Variants in JAKMIP1 observed in about 807,000 individuals in gnomAD.
JAKMIP1 encodes janus kinase and microtubule interacting protein 1.
A neutral mutation model predicts 113.0 loss-of-function variants in JAKMIP1; 33 were observed. The ratio of observed to expected loss-of-function variants is 0.29; its 90% confidence interval spans 0.22 to 0.39. The LOEUF (loss-of-function observed/expected upper bound fraction) is 0.39. JAKMIP1 is among the 10% of genes least tolerant of loss of function. The pLI is 1.00. For missense variants in JAKMIP1, 813 were observed against 1,080.5 expected, an observed-to-expected ratio of 0.75 and a Z score of 3.47; for synonymous variants, 480 against 459.9, an observed-to-expected ratio of 1.04 and a Z score of -0.56.
chr4:6,089,178 C>T lies in JAKMIP1; in HGVS notation c.625-3549G>A, dbSNP rs950561354. 2.0e-5 allele frequency among the ~76,000 whole-genome samples: 3 copies of T among 152,238 alleles called. No individual in the cohort carries two copies. Among genetic ancestry groups the T allele is most frequent in the African/African-American group, 7.2e-5 (3 of 41,468 alleles). Reference sequence around the variant, plus strand: ...AGCCCACAGCCTGGGAATGACACAGCAGGAGGCAGAGCAGAGCCCAAGAAC... The same window carrying T: ...AGCCCACAGCCTGGGAATGACACAGTAGGAGGCAGAGCAGAGCCCAAGAAC... On this transcript the variant is annotated intron_variant, in intron 3 of 20. Coordinates refer to ENST00000409021, the MANE Select transcript of JAKMIP1 (RefSeq NM_001099433.2). The surrounding 1 kb of genome is among the most constrained non-coding windows in gnomAD (Gnocchi z 5.3).
intron 16 of JAKMIP1, among the ~76,000 whole-genome samples, chr4:6,043,485 T>C (rs1290194880): frequency 6.6e-6 from 1 of 151,896 alleles, no homozygotes; most frequent in Non-Finnish European, 1.5e-5. Context: ...AAATGTCTCA[T>C]ACCCAGATCT....
Position 6,134,266 on chromosome 4 carries a change from C to T in JAKMIP1, c.-147-21269G>A, listed in dbSNP as rs540510754. 2.2e-4 allele frequency among the ~76,000 whole-genome samples: 33 copies of T among 152,344 alleles called. No homozygotes were observed. In the Middle Eastern group the frequency reaches 0.01, roughly 47 times the overall value. On this transcript the variant is annotated intron_variant, in intron 1 of 20. Coordinates refer to ENST00000409021, the MANE Select transcript of JAKMIP1 (RefSeq NM_001099433.2). ...CATGATTGTAAGTTTCCTGAGGCCT[C>T]CCCAGCCATGTGGAACTGTGAGTCA...
chr4:6,169,961 TCACCACCAC>T (rs1244148166), intron 1 of JAKMIP1, among the ~76,000 whole-genome samples: 1 of 145,936 alleles, frequency 6.9e-6, no homozygotes, highest in African/African-American at 2.6e-5. Context: ...ATCACTCTCA[TCACCACCAC>T]CACCACCACT....
At chr4:6,045,276 T>C (rs1364107961) in intron 16 of JAKMIP1, among the ~76,000 whole-genome samples, 1 of 152,232 alleles carries the variant, frequency 6.6e-6, no homozygotes, top group East Asian at 1.9e-4. Flanking sequence ...CACTTTGAAC[T>C]TGAGGGAGAA....
At position 6,064,733 on chromosome 4, in the gene JAKMIP1, T is replaced by G. The variant is rs374262568; in HGVS notation, c.1431+147A>C. 1.0e-6 allele frequency: 1 copy of G among 1,003,362 alleles called. No homozygotes were observed. The highest frequency in any genetic ancestry group is 1.6e-5 in the African/African-American group (1 of 61,210). The allele number at this position is 1,003,362 out of a possible 1,614,324, so 62.2% of individuals were successfully genotyped here. ...TGGGGCCCGCCTTCCCTTCACACCA[T>G]TGGCTTTGATAATGCACTGGTAGGA... On this transcript the variant is annotated intron_variant, in intron 9 of 20. Transcript: ENST00000409021. The surrounding 1 kb of genome is among the most constrained non-coding windows in gnomAD (Gnocchi z 4.3).
chr4:6,186,380 G>A lies in JAKMIP1; in HGVS notation c.-148+13873C>T, dbSNP rs995379356. ...GTCAGTTTGCAAAGGCAAGTGAAGGGGCAAGCAGGAGTGATGGAGGATGAG... is the reference window on the plus strand; with the variant it reads ...GTCAGTTTGCAAAGGCAAGTGAAGGAGCAAGCAGGAGTGATGGAGGATGAG... On this transcript the variant is annotated intron_variant, in intron 1 of 20. Transcript: ENST00000409021. This position sits in a 1 kb window ranked among gnomAD's most constrained non-coding sequence, Gnocchi z 5.5. Among the ~76,000 whole-genome samples the A allele has an allele frequency of 1.3e-5, 2 of 152,168 alleles. No individual in the cohort carries two copies. Among genetic ancestry groups the A allele is most frequent in the African/African-American group, 4.8e-5 (2 of 41,438 alleles).
intron 3 of JAKMIP1, 70 bp downstream of exon 3, chr4:6,105,403 C>G (rs1713733011): frequency 4.2e-6 from 6 of 1,441,134 alleles, no homozygotes; most frequent in Non-Finnish European, 5.6e-6. Flanking sequence ...CCTCGGAGCT[C>G]CGCATTTCCC....
Position 6,184,629 on chromosome 4 carries a change from G to A in JAKMIP1, c.-148+15624C>T, listed in dbSNP as rs73077432. 6.6e-6 allele frequency among the ~76,000 whole-genome samples: 1 copy of A among 152,230 alleles called. No homozygotes were observed. The highest frequency in any genetic ancestry group is 2.1e-4 in the South Asian group (1 of 4,828). ...CAAGGGTCCCCCGCGCTCACCTGTA[G>A]ATTCAGCAAGAGAGCAGGGGTGATT... On this transcript the variant is annotated intron_variant, in intron 1 of 20. Transcript: ENST00000409021. The surrounding 1 kb of genome is among the most constrained non-coding windows in gnomAD (Gnocchi z 4.5).
chr4:6,190,954 G>A (rs959707113), intron 1 of JAKMIP1, among the ~76,000 whole-genome samples: 2 of 152,218 alleles, frequency 1.3e-5, no homozygotes, highest in South Asian at 4.1e-4. Context: ...ACCACATCCT[G>A]AGAGTCAACT....
intron 1 of JAKMIP1, among the ~76,000 whole-genome samples, chr4:6,133,921 C>T (rs538023678): frequency 9.2e-5 from 14 of 152,292 alleles, no homozygotes; most frequent in African/African-American, 2.4e-4. Flanking sequence ...GATGACCAGA[C>T]GGAGGGGGCT....
chr4:6,177,933 G>T lies in JAKMIP1; in HGVS notation c.-148+22320C>A, dbSNP rs145510715. Among the ~76,000 whole-genome samples the T allele has an allele frequency of 1.1e-3, 162 of 152,286 alleles. 1 individual carries two copies. Among genetic ancestry groups the T allele is most frequent in the Middle Eastern group, 6.8e-3 (2 of 294 alleles). ...TCAAAGTTAATTTTGCACAGAAGAG[G>T]TGAGATTAACCCTAACCACTCAATC... On this transcript the variant is annotated intron_variant, in intron 1 of 20. Coordinates refer to ENST00000409021, the MANE Select transcript of JAKMIP1 (RefSeq NM_001099433.2).
At position 6,184,220 on chromosome 4, in the gene JAKMIP1, C is replaced by T. The variant is rs549525100; in HGVS notation, c.-148+16033G>A. Reference sequence around the variant, plus strand: ...AGAGAGGTGAGTGTATCACACTGTCCTGTGAGTATCATCCCTTCTCAATAG... The same window carrying T: ...AGAGAGGTGAGTGTATCACACTGTCTTGTGAGTATCATCCCTTCTCAATAG... On this transcript the variant is annotated intron_variant, in intron 1 of 20. Coordinates refer to ENST00000409021, the MANE Select transcript of JAKMIP1 (RefSeq NM_001099433.2). This position sits in a 1 kb window ranked among gnomAD's most constrained non-coding sequence, Gnocchi z 4.5. Among the ~76,000 whole-genome samples the T allele has an allele frequency of 6.6e-6, 1 of 152,284 alleles. No individual in the cohort carries two copies. Among genetic ancestry groups the T allele is most frequent in the African/African-American group, 2.4e-5 (1 of 41,550 alleles).
chr4:6,148,058 C>G (rs1163453474), intron 1 of JAKMIP1, among the ~76,000 whole-genome samples: 1 of 152,184 alleles, frequency 6.6e-6, no homozygotes, highest in Non-Finnish European at 1.5e-5. Context: ...TAGGACCAAC[C>G]ACAGGTACTA....
At chr4:6,075,980 C>A (rs1445202609) in intron 8 of JAKMIP1, among the ~76,000 whole-genome samples, 2 of 152,180 alleles carry the variant, frequency 1.3e-5, no homozygotes, top group African/African-American at 4.8e-5. Flanking sequence ...AGTTTGAGAT[C>A]AGCCTGGCCA....
chr4:6,084,054 T>C (rs1720945575), intron 5 of JAKMIP1, among the ~76,000 whole-genome samples: 1 of 152,178 alleles, frequency 6.6e-6, no homozygotes, highest in Admixed American at 6.5e-5. Flanking sequence ...GTGGTGGCTC[T>C]TGTGTGTAAT....
rs898977073 is a variant in JAKMIP1, at chr4:6,059,342, G to T, written c.1644+1082C>A. On this transcript the variant is annotated intron_variant, in intron 11 of 20. Coordinates refer to ENST00000409021, the MANE Select transcript of JAKMIP1 (RefSeq NM_001099433.2). This position sits in a 1 kb window ranked among gnomAD's most constrained non-coding sequence, Gnocchi z 4.8. ...CTGCGGCAGCCATTCTGAGCTGCCAGCTTTGCAGCTTTGCAGCTTTGCAGT... is the reference window on the plus strand; with the variant it reads ...CTGCGGCAGCCATTCTGAGCTGCCATCTTTGCAGCTTTGCAGCTTTGCAGT... 6.6e-6 allele frequency among the ~76,000 whole-genome samples: 1 copy of T among 152,152 alleles called. No homozygotes were observed. The highest frequency in any genetic ancestry group is 2.4e-5 in the African/African-American group (1 of 41,446).
At chr4:6,035,549 G>A (rs759595332) in intron 19 of JAKMIP1, among the ~76,000 whole-genome samples, 8 of 152,216 alleles carry the variant, frequency 5.3e-5, no homozygotes, top group East Asian at 3.9e-4. Flanking sequence ...CCAATGAGCC[G>A]CCATCACAAA....
intron 3 of JAKMIP1, among the ~76,000 whole-genome samples, chr4:6,100,189 T>C (rs945309675): frequency 6.6e-6 from 1 of 152,244 alleles, no homozygotes; most frequent in Non-Finnish European, 1.5e-5. Context: ...TTATAATCTG[T>C]TTCAGAACCT....
chr4:6,152,540 C>G (rs181348701), intron 1 of JAKMIP1, among the ~76,000 whole-genome samples: 2 of 152,088 alleles, frequency 1.3e-5, no homozygotes, highest in Non-Finnish European at 1.5e-5. Context: ...ATCCTGATGC[C>G]GGGGAATATT....
Sources: gnomAD v4.1 joint callset for allele counts (sites outside exome capture counted in the v4.1 genomes callset) on GRCh38, gnomAD v4.1.1 for gene constraint, Gnocchi (gnomAD v3.1) non-coding constraint, MANE v1.5 for transcripts, NCBI Gene and HGNC (gene_info 2026-07-23, HGNC 2026-07-21) for gene names.